ARFGAP3: variants seen among roughly 807,000 people sequenced by gnomAD.
ARFGAP3 encodes the protein ARF GTPase activating protein 3.
Under a neutral mutation model 75.0 loss-of-function variants are expected in ARFGAP3, and 72 were observed. The ratio of observed to expected loss-of-function variants is 0.96; its 90% CI spans 0.79 to 1.17. The LOEUF is 1.17. Among genes scored for constraint, ARFGAP3 ranks in the 50% most tolerant of loss-of-function variants. ARFGAP3 has a pLI of 0.00. For missense variants in ARFGAP3, 620 were observed against 626.6 expected (o/e 0.99, Z 0.11); for synonymous variants, 221 against 217.9 (o/e 1.01, Z -0.13).
At chr22:42,803,756 C>T (rs1453628833) in intron 14 of ARFGAP3, among the ~76,000 whole-genome samples, 6 of 152,160 alleles carry the variant, frequency 3.9e-5, no homozygotes, top group African/African-American at 7.2e-5. Flanking sequence ...AGAGAGTGCC[C>T]GTAAGAACGG....
intron 3 of ARFGAP3, among the ~76,000 whole-genome samples, chr22:42,835,988 T>C (rs1006415667): frequency 8.9e-5 from 13 of 146,834 alleles, no homozygotes; most frequent in Admixed American, 4.1e-4. Flanking sequence ...TTCTTTTTTT[T>C]TTTTTTTTTT....
At chr22:42,829,919 A>G (rs1926209951) in intron 6 of ARFGAP3, among the ~76,000 whole-genome samples, 1 of 152,228 alleles carries the variant, frequency 6.6e-6, no homozygotes, top group Non-Finnish European at 1.5e-5. Flanking sequence ...TGTTTCTAAA[A>G]TGCCAGACAC....
At chr22:42,852,244 A>T (rs559750154) in intron 1 of ARFGAP3, among the ~76,000 whole-genome samples, 2 of 150,876 alleles carry the variant, frequency 1.3e-5, no homozygotes, top group Non-Finnish European at 2.9e-5. Flanking sequence ...TTTTTGGTAG[A>T]GATGAGGTTT....
chr22:42,839,285 C>T (rs1411838172), intron 3 of ARFGAP3, among the ~76,000 whole-genome samples: 1 of 151,920 alleles, frequency 6.6e-6, no homozygotes, highest in Non-Finnish European at 1.5e-5. Flanking sequence ...ACAATATTTG[C>T]TATATTTAAA....
chr22:42,818,394 G>C (rs17409550), intron 9 of ARFGAP3, among the ~76,000 whole-genome samples: 59,603 of 151,946 alleles, frequency 0.39, 12,267 homozygotes, highest in Non-Finnish European at 0.45. Flanking sequence ...AGGCTTCTGA[G>C]AGCATTTAAA....
rs746278918 is a variant in ARFGAP3 at position 42,796,927 on chromosome 22, A to G, written c.*661T>C. The G allele has an allele frequency of 3.3e-5, 5 of 152,266 alleles. No homozygotes were observed. The highest frequency in any genetic ancestry group is 7.2e-5 in the African/African-American group (3 of 41,452). The allele number at this position is 152,266 out of a possible 1,614,324, so 9.4% of individuals were successfully genotyped here. A position where few individuals can be genotyped will look rare whatever the true frequency, so the allele number is the denominator to read the frequency against. ...CTCATCTTCCATTTCTCATCAATTC[A>G]AACAGCAACACCTTTCACAAGATAA... On this transcript the variant is annotated 3_prime_UTR_variant, in exon 16 of 16. Coordinates refer to ENST00000263245, the MANE Select transcript of ARFGAP3 (RefSeq NM_014570.5).
In ARFGAP3 at chr22:42,822,328, C is replaced by T; in HGVS notation, c.754G>A (p.Ala252Thr). 1 of 1,614,160 alleles carries T rather than the reference C, an allele frequency of 6.2e-7. No individual in the cohort carries two copies. The highest frequency in any genetic ancestry group is 8.5e-7 in the Non-Finnish European group (1 of 1,180,026). ...TCTTCCTGCTCCTTCATTTTATCCGCAGCTTGAGCTTGTTTTTCAATTTCA... is the reference window on the plus strand; with the variant it reads ...TCTTCCTGCTCCTTCATTTTATCCGTAGCTTGAGCTTGTTTTTCAATTTCA... ...FNEIEKQAQA[A>T]DKMKEQEDLA... The change falls in exon 9 of 16, where the codon GCG (alanine) becomes ACG (threonine). Residue 252 changes from alanine to threonine, a missense_variant. Ala to Thr is a moderately conservative substitution (Grantham distance 58). Transcript: ENST00000263245.
intron 3 of ARFGAP3, among the ~76,000 whole-genome samples, chr22:42,840,306 C>A (rs1020915306): frequency 7.2e-5 from 11 of 152,198 alleles, no homozygotes; most frequent in Non-Finnish European, 1.2e-4. Context: ...AGGTGTTTAA[C>A]AGATTTTTGA....
intron 2 of ARFGAP3, among the ~76,000 whole-genome samples, chr22:42,844,309 G>T (rs1438000693): frequency 6.6e-6 from 1 of 152,188 alleles, no homozygotes; most frequent in African/African-American, 2.4e-5. Context: ...GCTCGGCTAG[G>T]TGCTGTGGCT....
chr22:42,856,999 G>C (rs911595939), intron 1 of ARFGAP3, 115 bp downstream of exon 1: 2 of 1,102,416 alleles, frequency 1.8e-6, no homozygotes, highest in Middle Eastern at 3.6e-4. Context: ...ACAGTGCGAC[G>C]TGTCACAGGC....
At chr22:42,822,092 C>A (rs146974788) in intron 9 of ARFGAP3, among the ~76,000 whole-genome samples, 178 bp downstream of exon 9, 46 of 152,236 alleles carry the variant, frequency 3.0e-4, no homozygotes, top group Middle Eastern at 6.8e-3. Flanking sequence ...GTTGCTGCCC[C>A]CATCGTCTCT....
At chr22:42,812,398 G>A (rs1925406620) in intron 11 of ARFGAP3, among the ~76,000 whole-genome samples, 1 of 152,232 alleles carries the variant, frequency 6.6e-6, no homozygotes, top group Non-Finnish European at 1.5e-5. Context: ...AGAAGAGAAT[G>A]CAGAGGCCTT....
intron 2 of ARFGAP3, among the ~76,000 whole-genome samples, chr22:42,844,589 G>GAA (rs747473607): frequency 3.4e-5 from 2 of 58,592 alleles, no homozygotes; most frequent in Non-Finnish European, 6.1e-5. Flanking sequence ...TGTCTCAAAG[G>GAA]AAAAAAAAAA....
At chr22:42,819,321 T>C (rs114784621) in intron 9 of ARFGAP3, among the ~76,000 whole-genome samples, 1,609 of 152,320 alleles carry the variant, frequency 0.011, 29 homozygotes, top group African/African-American at 0.036. Flanking sequence ...TGAATACATA[T>C]AATTACAGCA....
chr22:42,812,119 T>C (rs761327103), intron 11 of ARFGAP3, among the ~76,000 whole-genome samples: 4 of 148,162 alleles, frequency 2.7e-5, no homozygotes, highest in Non-Finnish European at 4.4e-5. Context: ...ACGCCTATAG[T>C]CCCAGCTACT....
At chr22:42,812,287 G>C (rs1925402108) in intron 11 of ARFGAP3, among the ~76,000 whole-genome samples, 1 of 150,886 alleles carries the variant, frequency 6.6e-6, no homozygotes, top group African/African-American at 2.4e-5. Flanking sequence ...GCTTAGGATG[G>C]AAAAGCAGTC....
At chr22:42,804,499 A>G (rs1438513190) in intron 14 of ARFGAP3, among the ~76,000 whole-genome samples, 3 of 149,136 alleles carry the variant, frequency 2.0e-5, no homozygotes, top group African/African-American at 5.0e-5. Context: ...CTCCTGCCTC[A>G]GCCTCCGGAG....
chr22:42,808,575 C>T (rs112291088), intron 13 of ARFGAP3, among the ~76,000 whole-genome samples, 192 bp downstream of exon 13: 140 of 152,298 alleles, frequency 9.2e-4, no homozygotes, highest in Middle Eastern at 3.4e-3. Flanking sequence ...TGTAAACATT[C>T]CTCTTGCTGA....
intron 12 of ARFGAP3, among the ~76,000 whole-genome samples, chr22:42,809,559 G>C (rs1233348153): frequency 1.3e-5 from 2 of 152,070 alleles, no homozygotes; most frequent in African/African-American, 2.4e-5. Context: ...GGGCAGGGGA[G>C]GGGGGACTAC....
Sources: gnomAD v4.1 joint callset for allele counts (sites outside exome capture counted in the v4.1 genomes callset) on GRCh38, gnomAD v4.1.1 for gene constraint, MANE v1.5 for transcripts, NCBI Gene and HGNC (gene_info 2026-07-23, HGNC 2026-07-21) for gene names.